Variants in ORC2 observed in about 807,000 individuals in gnomAD.
ORC2 encodes origin recognition complex protein 2 homolog.
Under a neutral mutation model 77.7 loss-of-function variants are expected in ORC2, and 37 were observed. That is an observed-to-expected ratio of 0.48 (90% CI 0.37 to 0.63). The LOEUF (loss-of-function observed/expected upper bound fraction) is 0.63. ORC2 is among the 20% of genes least tolerant of loss of function. ORC2 has a pLI of 0.00. For synonymous variants in ORC2, 201 were observed against 229.5 expected (o/e 0.88, Z 1.12); for missense variants, 557 against 661.9 (o/e 0.84, Z 1.74).
At chr2:200,930,110 G>C (rs1313392552) in intron 11 of ORC2, among the ~76,000 whole-genome samples, 1 of 151,914 alleles carries the variant, frequency 6.6e-6, no homozygotes, top group Admixed American at 6.6e-5. Flanking sequence ...AAGCACTAGA[G>C]GTCAAGCTAA....
chr2:200,911,170 C>G lies in ORC2; in HGVS notation c.*131G>C. On this transcript the variant is annotated 3_prime_UTR_variant, in exon 18 of 18. Coordinates refer to ENST00000234296, the MANE Select transcript of ORC2 (RefSeq NM_006190.5). ...AAAAGTTCTAATTGAGGACATCCCC[C>G]CCTTCCCAAATTTAAATCTTGTATG... 1.6e-6 allele frequency: 1 copy of G among 631,406 alleles called. No individual in the cohort carries two copies. The highest frequency in any genetic ancestry group is 2.8e-5 in the East Asian group (1 of 35,482). The allele number at this position is 631,406 out of a possible 1,614,324, so 39.1% of individuals were successfully genotyped here. A position where few individuals can be genotyped will look rare whatever the true frequency, so the allele number is the denominator to read the frequency against.
intron 15 of ORC2, among the ~76,000 whole-genome samples, chr2:200,917,336 T>G (rs2040674071): frequency 6.6e-6 from 1 of 152,052 alleles, no homozygotes; most frequent in Non-Finnish European, 1.5e-5. Flanking sequence ...TTTTACTTTT[T>G]GTAGAGATGG....
At chr2:200,940,263 A>T (rs1009953612) in intron 7 of ORC2, among the ~76,000 whole-genome samples, 2 of 152,292 alleles carry the variant, frequency 1.3e-5, no homozygotes. Context: ...GAACATGTAT[A>T]CCCTTTCCTT....
At chr2:200,945,269 A>T (rs770530789) in intron 5 of ORC2, among the ~76,000 whole-genome samples, 3 of 152,186 alleles carry the variant, frequency 2.0e-5, no homozygotes, top group African/African-American at 4.8e-5. Flanking sequence ...TTAATAGAAA[A>T]TTAGACCTGG....
At chr2:200,950,278 C>CAG (rs1188015997) in intron 4 of ORC2, among the ~76,000 whole-genome samples, 1 of 151,934 alleles carries the variant, frequency 6.6e-6, no homozygotes, top group Non-Finnish European at 1.5e-5. Flanking sequence ...TTGCGGTGAG[C>CAG]AGAGATTGTG....
intron 9 of ORC2, among the ~76,000 whole-genome samples, chr2:200,935,155 G>A (rs577087914): frequency 5.3e-5 from 8 of 152,082 alleles, no homozygotes; most frequent in African/African-American, 1.7e-4. Context: ...ACGGAGTTTC[G>A]TTCTTATTGC....
Position 200,958,054 on chromosome 2 carries a change from T to G in ORC2, c.70A>C (p.Asn24His). 6.2e-7 allele frequency: 1 copy of G among 1,607,664 alleles called. No homozygotes were observed. The highest frequency in any genetic ancestry group is 1.1e-5 in the South Asian group (1 of 90,912). ...CCTCCTTCTCTATCTAGAATGTGAT[T>G]AAGAACATCATCATCTCCCACAAAG... ...VHFVGDDDVL[N>H]HILDREGGAK... Residue 24 changes from asparagine to histidine, a missense_variant, in exon 3 of 18, where the codon AAT becomes CAT. By Grantham distance (68) the Asn-to-His change is moderately conservative. Transcript: ENST00000234296.
At chr2:200,957,790 T>C (rs2041498170) in intron 3 of ORC2, among the ~76,000 whole-genome samples, 1 of 152,022 alleles carries the variant, frequency 6.6e-6, no homozygotes, top group African/African-American at 2.4e-5. Flanking sequence ...TAAATTACAA[T>C]GGGTAGTTAT....
At chr2:200,914,100 A>G (rs1197886185) in intron 15 of ORC2, 108 bp from the exon 16 acceptor site, 1 of 645,956 alleles carries the variant, frequency 1.5e-6, no homozygotes, top group Non-Finnish European at 2.7e-6. Context: ...GCCTATCCGC[A>G]TTATCTTCTG....
rs865969971 is a variant in ORC2 at position 200,928,696 on chromosome 2, C to T, written c.918-1796G>A. On this transcript the variant is annotated intron_variant, in intron 11 of 17. Coordinates refer to ENST00000234296, the MANE Select transcript of ORC2 (RefSeq NM_006190.5). ...GGGCGTGGTGGCAGGCACCTGTAGT[C>T]CCAGCTACTCAGGAGGCTGAGGCAG... Among the ~76,000 whole-genome samples, 6 of 151,788 alleles carry T rather than the reference C, an allele frequency of 4.0e-5. No homozygotes were observed. The South Asian group carries it at 1.0e-3, about 26-fold the overall frequency.
chr2:200,948,894 C>T (rs2041298913), intron 5 of ORC2, among the ~76,000 whole-genome samples: 1 of 151,534 alleles, frequency 6.6e-6, no homozygotes, highest in Non-Finnish European at 1.5e-5. Context: ...TTAATCAATT[C>T]AGAATATCTC....
intron 10 of ORC2, 132 bp from the exon 11 acceptor site, chr2:200,931,580 C>A: frequency 2.1e-6 from 1 of 486,278 alleles, no homozygotes; most frequent in South Asian, 3.7e-5. Flanking sequence ...TCTGGTTTGG[C>A]AATGAGTATA....
chr2:200,948,065 C>T lies in ORC2; in HGVS notation c.328+1489G>A, dbSNP rs563982782. On this transcript the variant is annotated intron_variant, in intron 5 of 17. Transcript: ENST00000234296. ...CTGGGACTACAGTCGCCCGCCACCA[C>T]GCCTGGCTAATTTTTTTTTTTGTAT... 1.0e-3 allele frequency among the ~76,000 whole-genome samples: 156 copies of T among 149,170 alleles called. 1 individual carries two copies. The highest frequency in any genetic ancestry group is 1.8e-3 in the Non-Finnish European group (123 of 67,670).
chr2:200,946,883 C>A (rs2041258980), intron 5 of ORC2, among the ~76,000 whole-genome samples: 1 of 152,254 alleles, frequency 6.6e-6, no homozygotes, highest in East Asian at 1.9e-4. Context: ...AGGATTCAGT[C>A]ATTTTTATAG....
intron 5 of ORC2, among the ~76,000 whole-genome samples, chr2:200,948,003 G>C (rs2041281991): frequency 6.6e-6 from 1 of 152,012 alleles, no homozygotes; most frequent in Admixed American, 6.6e-5. Context: ...CCGCCTCCCG[G>C]GTTCACGCCA....
intron 5 of ORC2, among the ~76,000 whole-genome samples, chr2:200,945,083 G>A (rs1030016888): frequency 3.3e-5 from 5 of 152,218 alleles, no homozygotes; most frequent in Non-Finnish European, 5.9e-5. Context: ...TCACAGAGCT[G>A]AAAATATTTA....
intron 1 of ORC2, among the ~76,000 whole-genome samples, chr2:200,961,697 GGATTT>G (rs1309561071): frequency 1.3e-5 from 2 of 152,046 alleles, no homozygotes; most frequent in Non-Finnish European, 2.9e-5. Context: ...GTACTACAAA[GGATTT>G]GAAGCAGTGA....
intron 2 of ORC2, among the ~76,000 whole-genome samples, chr2:200,959,030 T>C (rs775788240): frequency 3.9e-5 from 6 of 152,228 alleles, no homozygotes; most frequent in Non-Finnish European, 8.8e-5. Context: ...TTCTTTCTTT[T>C]TTTATTGAGA....
rs140688617 is a variant in ORC2 at position 200,944,602 on chromosome 2, G to A, written c.329-1825C>T. On this transcript the variant is annotated intron_variant, in intron 5 of 17. Coordinates refer to ENST00000234296, the MANE Select transcript of ORC2 (RefSeq NM_006190.5). ...ACCTGTCGCCCAGGAGTACACTGGC[G>A]TGATCATGGCTCACTGCAGCCTTGA... is the stretch of plus-strand genomic sequence containing the variant. Among the ~76,000 whole-genome samples, 178 of 152,274 alleles carry A rather than the reference G, an allele frequency of 1.2e-3. No individual in the cohort carries two copies. The Middle Eastern group carries it at 0.014, about 12-fold the overall frequency.
Sources: gnomAD v4.1 joint callset for allele counts (sites outside exome capture counted in the v4.1 genomes callset) on GRCh38, gnomAD v4.1.1 for gene constraint, MANE v1.5 for transcripts, NCBI Gene and HGNC (gene_info 2026-07-23, HGNC 2026-07-21) for gene names.